The following SIL1 variants were observed in gnomAD, a reference collection of about 807,000 sequenced individuals.
The protein encoded by SIL1 is SIL1 nucleotide exchange factor, also known as nucleotide exchange factor SIL1.
A neutral mutation model predicts 49.1 loss-of-function variants in SIL1; 40 were observed. That is an observed-to-expected ratio of 0.81 (90% CI 0.63 to 1.06). SIL1 has a LOEUF of 1.06. SIL1 is among the 50% of genes least tolerant of loss of function. The pLI is 0.00. For missense variants in SIL1, 500 were observed against 572.6 expected (o/e 0.87, Z 1.29); for synonymous variants, 253 against 250.8 (o/e 1.01, Z -0.08).
At position 139,026,982 on chromosome 5, in the gene SIL1, G is replaced by C. The variant is rs768872692; in HGVS notation, c.464C>G (p.Ala155Gly). 1 of 1,614,118 alleles carries C rather than the reference G, an allele frequency of 6.2e-7. No individual in the cohort carries two copies. Among genetic ancestry groups the C allele is most frequent in the Non-Finnish European group, 8.5e-7 (1 of 1,180,018 alleles). Residue 155 changes from alanine (A) to glycine (G), a missense_variant, in exon 6 of 10, where the codon GCT (alanine) becomes GGT (glycine). Coordinates refer to ENST00000394817, the MANE Select transcript of SIL1 (RefSeq NM_022464.5). Reference protein sequence around the residue: ...ESSKEDKARQAEVKRLFRPIE... With the variant: ...ESSKEDKARQGEVKRLFRPIE... ...GGGGCGGAAGAGCCGCTTTACCTCA[G>C]CCTGCCTTGCCTAAGGAGAGCAGCA... is the stretch of plus-strand genomic sequence containing the variant.
rs779265176 is a variant in SIL1, at chr5:138,947,492, G to A, written c.1030-19C>T. 1.7e-5 allele frequency: 27 copies of A among 1,608,492 alleles called. No individual in the cohort carries two copies. The East Asian group carries it at 2.7e-4, about 16-fold the overall frequency. On this transcript the variant is annotated intron_variant, in intron 9 of 9. Transcript: ENST00000394817. This position sits in a 1 kb window ranked among gnomAD's most constrained non-coding sequence, Gnocchi z 4.1. Reference sequence around the variant, plus strand: ...CGAACATCTGCCATCCGCCACAGCCGCAGGCCAGGTAGGGTGGGGGTGGGG... The same window carrying A: ...CGAACATCTGCCATCCGCCACAGCCACAGGCCAGGTAGGGTGGGGGTGGGG...
intron 1 of SIL1, among the ~76,000 whole-genome samples, chr5:139,170,050 G>C (rs1360034803): frequency 1.3e-5 from 2 of 152,200 alleles, no homozygotes; most frequent in East Asian, 3.9e-4. Context: ...TACTTTTTTG[G>C]TGGAGACGGG....
chr5:139,111,808 T>C (rs1258727368), intron 3 of SIL1, among the ~76,000 whole-genome samples: 3 of 152,116 alleles, frequency 2.0e-5, no homozygotes, highest in African/African-American at 7.2e-5. Context: ...GACTAATCTG[T>C]TACACTTAAG....
intron 1 of SIL1, among the ~76,000 whole-genome samples, chr5:139,165,034 C>T (rs1396762784): frequency 6.6e-6 from 1 of 152,192 alleles, no homozygotes; most frequent in African/African-American, 2.4e-5. Context: ...GAATCCCCTA[C>T]CCCCTTGTTT....
intron 3 of SIL1, among the ~76,000 whole-genome samples, chr5:139,113,336 A>G (rs1350173163): frequency 6.6e-6 from 1 of 152,104 alleles, no homozygotes; most frequent in Non-Finnish European, 1.5e-5. Flanking sequence ...AATTTAAAAA[A>G]AAAAGTTTCA....
chr5:139,103,739 G>T (rs1188430299), intron 3 of SIL1, among the ~76,000 whole-genome samples: 2 of 152,224 alleles, frequency 1.3e-5, no homozygotes, highest in Non-Finnish European at 2.9e-5. Flanking sequence ...ACAGACATGT[G>T]TGTGGGAGTC....
At chr5:139,112,925 T>C (rs1770900467) in intron 3 of SIL1, among the ~76,000 whole-genome samples, 1 of 152,202 alleles carries the variant, frequency 6.6e-6, no homozygotes, top group African/African-American at 2.4e-5. Flanking sequence ...GAAGTAGACA[T>C]AGGAGACTCC....
At chr5:138,963,942 G>A (rs1268809683) in intron 7 of SIL1, among the ~76,000 whole-genome samples, 1 of 152,206 alleles carries the variant, frequency 6.6e-6, no homozygotes, top group South Asian at 2.1e-4. Context: ...GCTAGGCGCG[G>A]GGTTCACCAG....
At chr5:139,087,741 G>C (rs527514045) in intron 3 of SIL1, among the ~76,000 whole-genome samples, 2 of 152,234 alleles carry the variant, frequency 1.3e-5, no homozygotes, top group African/African-American at 4.8e-5. Context: ...GTAGGGGAAG[G>C]CCACAGGAGA....
At chr5:139,136,257 T>A (rs557617581) in intron 1 of SIL1, among the ~76,000 whole-genome samples, 3 of 152,038 alleles carry the variant, frequency 2.0e-5, no homozygotes, top group Non-Finnish European at 4.4e-5. Flanking sequence ...AATACCTACA[T>A]AGAGAACAAT....
intron 1 of SIL1, among the ~76,000 whole-genome samples, chr5:139,131,243 G>C (rs1049770543): frequency 1.2e-4 from 18 of 152,172 alleles, no homozygotes; most frequent in African/African-American, 4.1e-4. Context: ...TGAGGCTTAA[G>C]TGAGTTAATT....
chr5:139,180,528 G>A (rs570838888), intron 1 of SIL1, among the ~76,000 whole-genome samples: 1 of 151,998 alleles, frequency 6.6e-6, no homozygotes, highest in South Asian at 2.1e-4. Flanking sequence ...CCAGAATTGG[G>A]AATGTAGCTC....
chr5:139,137,454 G>A, intron 1 of SIL1: 3 of 616,290 alleles, frequency 4.9e-6, no homozygotes, highest in Admixed American at 2.6e-5. Flanking sequence ...CACAGAAACT[G>A]GACTCATCAT....
chr5:138,982,304 C>T (rs935707265), intron 7 of SIL1, among the ~76,000 whole-genome samples: 6 of 152,180 alleles, frequency 3.9e-5, no homozygotes, highest in African/African-American at 9.6e-5. Context: ...TCCAGTTCAC[C>T]GGCCCCATTT....
intron 1 of SIL1, among the ~76,000 whole-genome samples, chr5:139,197,182 C>T (rs1752290686): frequency 6.8e-6 from 1 of 146,670 alleles, no homozygotes; most frequent in African/African-American, 2.5e-5. Context: ...GCAGGAGAAT[C>T]GCTTGAACCT....
chr5:139,163,527 G>A (rs111820526), intron 1 of SIL1, among the ~76,000 whole-genome samples: 6,977 of 151,836 alleles, frequency 0.046, 193 homozygotes, highest in African/African-American at 0.076. Flanking sequence ...CCACCACCAC[G>A]CCTGGCTATT....
intron 3 of SIL1, among the ~76,000 whole-genome samples, chr5:139,082,868 C>G (rs1442360787): frequency 6.6e-6 from 1 of 152,220 alleles, no homozygotes; most frequent in Admixed American, 6.5e-5. Context: ...TTAAGCCCAT[C>G]AGATCAGCCC....
chr5:139,145,629 C>CGTGT (rs57675583), intron 1 of SIL1, among the ~76,000 whole-genome samples: 88 of 142,744 alleles, frequency 6.2e-4, no homozygotes, highest in South Asian at 2.1e-3. Flanking sequence ...GGTGTGGGGG[C>CGTGT]GTGTGTGTGT....
intron 5 of SIL1, among the ~76,000 whole-genome samples, chr5:139,032,437 T>C (rs1768813644): frequency 6.6e-6 from 1 of 152,244 alleles, no homozygotes; most frequent in South Asian, 2.1e-4. Context: ...ATATAATGCA[T>C]AATTCTTTTT....
Sources: allele counts gnomAD v4.1 joint callset (sites outside exome capture counted in the v4.1 genomes callset), GRCh38; gene constraint gnomAD v4.1.1; non-coding constraint Gnocchi (gnomAD v3.1); transcripts MANE v1.5; gene names NCBI Gene and HGNC (gene_info 2026-07-23, HGNC 2026-07-21).